The following ACTA1 variants were observed in gnomAD, a reference collection of about 807,000 sequenced individuals.
ACTA1 encodes the protein actin alpha 1, skeletal muscle, also known as actin, alpha skeletal muscle.
ACTA1 carries 25 observed loss-of-function variants against 35.8 expected under a neutral mutation model. The observed-to-expected ratio is 0.70, with a 90% CI of 0.51 to 0.97. The LOEUF (loss-of-function observed/expected upper bound fraction) is 0.97. ACTA1 is among the 50% of genes least tolerant of loss of function. The pLI is 0.00. For synonymous variants in ACTA1, 219 were observed against 217.1 expected (o/e 1.01, Z -0.08); for missense variants, 174 against 533.0 (o/e 0.33, Z 6.63).
chr1:229,431,419 C>A lies in ACTA1; in HGVS notation c.*80G>T. On this transcript the variant is annotated 3_prime_UTR_variant, in exon 7 of 7. Transcript: ENST00000366684. This position sits in a 1 kb window ranked among gnomAD's most constrained non-coding sequence, Gnocchi z 7.1. ...GAAGTTGTTACAAAGAAAGTGACTGCGGGGTGGCTGGAGCTCAGCCGCCCC... is the reference window on the plus strand; with the variant it reads ...GAAGTTGTTACAAAGAAAGTGACTGAGGGGTGGCTGGAGCTCAGCCGCCCC... 1.3e-6 allele frequency: 2 copies of A among 1,579,146 alleles called. No individual in the cohort carries two copies. The highest frequency in any genetic ancestry group is 1.7e-6 in the Non-Finnish European group (2 of 1,149,962).
In ACTA1 at chr1:229,432,824, G is replaced by A; in HGVS notation, c.186C>T (p.Ser62=). The part of the protein sequence containing the change: ...KDSYVGDEAQ[S]KRGILTLKYP... Reference sequence around the variant, plus strand: ...ACTTCAGGGTCAGGATACCTCTCTTGCTCTGAGCCTCGTCGCCCACGTAGG... The same window carrying A: ...ACTTCAGGGTCAGGATACCTCTCTTACTCTGAGCCTCGTCGCCCACGTAGG... The change falls in exon 3 of 7, where the codon AGC becomes AGT. Residue 62 remains serine (S), a synonymous_variant. Transcript: ENST00000366684. 1 of 1,614,186 alleles carries A rather than the reference G, an allele frequency of 6.2e-7. No homozygotes were observed.
intron 4 of ACTA1, 39 bp from the exon 5 acceptor site, chr1:229,432,224 G>A: frequency 6.2e-7 from 1 of 1,612,716 alleles, no homozygotes; most frequent in Non-Finnish European, 8.5e-7. Flanking sequence ...CCTCACTCAG[G>A]GGCCGCCGCC....
At position 229,433,120 on chromosome 1, in the gene ACTA1, T is replaced by C; in HGVS notation, c.-5A>G. On this transcript the variant is annotated 5_prime_UTR_variant, in exon 2 of 7. Coordinates refer to ENST00000366684, the MANE Select transcript of ACTA1 (RefSeq NM_001100.4). ...GGTCTCGTCTTCGTCGCACATTGTGTCTAGTTTCTGCAAGGACAGGGAGAC... is the reference window on the plus strand; with the variant it reads ...GGTCTCGTCTTCGTCGCACATTGTGCCTAGTTTCTGCAAGGACAGGGAGAC... 4 of 1,613,998 alleles carry C rather than the reference T, an allele frequency of 2.5e-6. No individual in the cohort carries two copies. Among genetic ancestry groups the C allele is most frequent in the Non-Finnish European group, 3.4e-6 (4 of 1,179,970 alleles).
In ACTA1 at chr1:229,432,127, G is replaced by A. The variant is rs1571893092; in HGVS notation, c.675C>T (p.Phe225=). Residue 225 remains phenylalanine (F), a synonymous_variant, in exon 5 of 7, where the codon TTC becomes TTT. Coordinates refer to ENST00000366684, the MANE Select transcript of ACTA1 (RefSeq NM_001100.4). The part of the protein sequence containing the change: ...KEKLCYVALD[F]ENEMATAASS... Reference sequence around the variant, plus strand: ...AGGCGGCCGTCGCCATCTCGTTCTCGAAGTCCAGGGCCACGTAGCACAGCT... The same window carrying A: ...AGGCGGCCGTCGCCATCTCGTTCTCAAAGTCCAGGGCCACGTAGCACAGCT... 1.2e-6 allele frequency: 2 copies of A among 1,613,456 alleles called. No individual in the cohort carries two copies. The highest frequency in any genetic ancestry group is 1.7e-6 in the Non-Finnish European group (2 of 1,179,884).
At position 229,432,791 on chromosome 1, in the gene ACTA1, G is replaced by C; in HGVS notation, c.219C>G (p.Ile73Met). Residue 73 changes from isoleucine (I) to methionine (M), a missense_variant, in exon 3 of 7, where the codon ATC (isoleucine) becomes ATG (methionine). Physicochemically the swap from Ile to Met is conservative, Grantham distance 10. Coordinates refer to ENST00000366684, the MANE Select transcript of ACTA1 (RefSeq NM_001100.4). ...KRGILTLKYP[I>M]EHGIITNWDD... is the part of the protein sequence containing the mutation. ...CCCAGTTGGTGATGATGCCGTGCTC[G>C]ATAGGGTACTTCAGGGTCAGGATAC... is the stretch of plus-strand genomic sequence containing the variant. 6.2e-7 allele frequency: 1 copy of C among 1,614,196 alleles called. No homozygotes were observed. The highest frequency in any genetic ancestry group is 8.5e-7 in the Non-Finnish European group (1 of 1,180,032).
Position 229,431,423 on chromosome 1 carries a change from G to T in ACTA1, c.*76C>A. On this transcript the variant is annotated 3_prime_UTR_variant, in exon 7 of 7. Transcript: ENST00000366684. The surrounding 1 kb of genome is among the most constrained non-coding windows in gnomAD (Gnocchi z 7.1). Reference sequence around the variant, plus strand: ...TTGTTACAAAGAAAGTGACTGCGGGGTGGCTGGAGCTCAGCCGCCCCCCCA... The same window carrying T: ...TTGTTACAAAGAAAGTGACTGCGGGTTGGCTGGAGCTCAGCCGCCCCCCCA... 1.3e-6 allele frequency: 2 copies of T among 1,594,798 alleles called. No homozygotes were observed. The highest frequency in any genetic ancestry group is 2.2e-5 in the South Asian group (2 of 90,660).
Position 229,431,443 on chromosome 1 carries a change from C to T in ACTA1, c.*56G>A, listed in dbSNP as rs1169872647. 2.5e-6 allele frequency: 4 copies of T among 1,610,984 alleles called. No homozygotes were observed. Among genetic ancestry groups the T allele is most frequent in the Non-Finnish European group, 1.7e-6 (2 of 1,178,994 alleles). ...GCGGGGTGGCTGGAGCTCAGCCGCC[C>T]CCCCATTGAGAAGATTCGTCGTCCT... On this transcript the variant is annotated 3_prime_UTR_variant, in exon 7 of 7. Coordinates refer to ENST00000366684, the MANE Select transcript of ACTA1 (RefSeq NM_001100.4). The surrounding 1 kb of genome is among the most constrained non-coding windows in gnomAD (Gnocchi z 7.1).
chr1:229,432,231 CGCCG>C, intron 4 of ACTA1, 35 bp downstream of exon 4: 1 of 1,612,728 alleles, frequency 6.2e-7, no homozygotes, highest in Non-Finnish European at 8.5e-7. Flanking sequence ...CAGGGGCCGC[CGCCG>C]GCCCTCCCGC....
At position 229,431,397 on chromosome 1, in the gene ACTA1, G is replaced by T. The variant is rs909761298; in HGVS notation, c.*102C>A. On this transcript the variant is annotated 3_prime_UTR_variant, in exon 7 of 7. Coordinates refer to ENST00000366684, the MANE Select transcript of ACTA1 (RefSeq NM_001100.4). The surrounding 1 kb of genome is among the most constrained non-coding windows in gnomAD (Gnocchi z 7.1). ...TCAGTTTACGATGGCAGCAACGGAA[G>T]TTGTTACAAAGAAAGTGACTGCGGG... 4.7e-6 allele frequency: 7 copies of T among 1,490,682 alleles called. No homozygotes were observed. Among genetic ancestry groups the T allele is most frequent in the Non-Finnish European group, 5.6e-6 (6 of 1,069,794 alleles). The allele number at this position is 1,490,682 out of a possible 1,614,324, so 92.3% of individuals were successfully genotyped here.
rs1183138836 is a variant in ACTA1, at chr1:229,431,853, C to T, written c.858G>A (p.Lys286=). The T allele has an allele frequency of 9.9e-6, 16 of 1,613,978 alleles. No individual in the cohort carries two copies. The highest frequency in any genetic ancestry group is 1.3e-5 in the African/African-American group (1 of 74,898). The part of the protein sequence containing the change: ...IHETTYNSIM[K]CDIDIRKDLY... ...GGTCCTTCCTGATGTCGATGTCACA[C>T]TTCATGATGCTGTTGTAGGTGGTCT... The change falls in exon 6 of 7, where the codon AAG becomes AAA. Residue 286 remains lysine, a synonymous_variant. Transcript: ENST00000366684. This position sits in a 1 kb window ranked among gnomAD's most constrained non-coding sequence, Gnocchi z 7.1.
rs868200539 is a variant in ACTA1 at position 229,431,909 on chromosome 1, A to G, written c.809-7T>C. The G allele has an allele frequency of 6.2e-7, 1 of 1,609,976 alleles. No homozygotes were observed. Among genetic ancestry groups the G allele is most frequent in the Non-Finnish European group, 8.5e-7 (1 of 1,177,784 alleles). ...ATGCCCGCCGACTCCATACCTGGGG[A>G]CCGCGGCGGGGAGCGTGAGCAGAAG... On this transcript the variant is annotated splice_polypyrimidine_tract_variant and splice_region_variant and intron_variant, in intron 5 of 6. Coordinates refer to ENST00000366684, the MANE Select transcript of ACTA1 (RefSeq NM_001100.4). The surrounding 1 kb of genome is among the most constrained non-coding windows in gnomAD (Gnocchi z 7.1).
In ACTA1 at chr1:229,431,631, C is replaced by A. The variant is rs766552570; in HGVS notation, c.1002G>T (p.Pro334=). Residue 334 remains proline, a synonymous_variant, in exon 7 of 7, where the codon CCG becomes CCT. Transcript: ENST00000366684. This position sits in a 1 kb window ranked among gnomAD's most constrained non-coding sequence, Gnocchi z 7.1. The part of the protein sequence containing the change: ...PSTMKIKIIA[P]PERKYSVWIG... The stretch of plus-strand genomic sequence containing the variant: ...TCCACACCGAGTATTTGCGCTCCGG[C>A]GGGGCGATGATCTGCAAGACAGCGC... 6.2e-7 allele frequency: 1 copy of A among 1,614,100 alleles called. No homozygotes were observed. Among genetic ancestry groups the A allele is most frequent in the East Asian group, 2.2e-5 (1 of 44,864 alleles).
At position 229,432,522 on chromosome 1, in the gene ACTA1, G is replaced by C. The variant is rs757583419; in HGVS notation, c.454+34C>G. The C allele has an allele frequency of 2.6e-5, 33 of 1,290,840 alleles. No individual in the cohort carries two copies. In the East Asian group the frequency reaches 3.5e-4, roughly 14 times the overall value. 80.0% of individuals were successfully genotyped at this position (1,290,840 alleles called of 1,614,324 possible). On this transcript the variant is annotated intron_variant, in intron 3 of 6. Transcript: ENST00000366684. The stretch of plus-strand genomic sequence containing the variant: ...GGCGGGGGCGGGGGCGGGGGCGGGG[G>C]CGGGAGAGGGGACTGGGGGCAGCGG...
Position 229,431,670 on chromosome 1 carries a change from A to G in ACTA1, c.991-28T>C. 2 of 1,613,378 alleles carry G rather than the reference A, an allele frequency of 1.2e-6. No homozygotes were observed. Among genetic ancestry groups the G allele is most frequent in the Non-Finnish European group, 1.7e-6 (2 of 1,179,834 alleles). On this transcript the variant is annotated intron_variant, in intron 6 of 6. Coordinates refer to ENST00000366684, the MANE Select transcript of ACTA1 (RefSeq NM_001100.4). This position sits in a 1 kb window ranked among gnomAD's most constrained non-coding sequence, Gnocchi z 7.1. ...GCAAGACAGCGCGTGAGGTGGGGAG[A>G]CCTCACCCTGGAGCCCACCCCGCCG... is the stretch of plus-strand genomic sequence containing the variant.
rs1309683981 is a variant in ACTA1 at position 229,431,953 on chromosome 1, G to A, written c.808+41C>T. The A allele has an allele frequency of 3.7e-6, 6 of 1,606,632 alleles. No individual in the cohort carries two copies. Among genetic ancestry groups the A allele is most frequent in the Non-Finnish European group, 5.1e-6 (6 of 1,176,600 alleles). On this transcript the variant is annotated intron_variant, in intron 5 of 6. Coordinates refer to ENST00000366684, the MANE Select transcript of ACTA1 (RefSeq NM_001100.4). This position sits in a 1 kb window ranked among gnomAD's most constrained non-coding sequence, Gnocchi z 7.1. ...GCAGAAGCTCGGGGCGCCGGGGGCC[G>A]GCGGGGCCTGGGGGCCGGGGCGAGG...
chr1:229,431,954 GCGGGGCCTGGGGGC>G lies in ACTA1; in HGVS notation c.808+26_808+39del. On this transcript the variant is annotated intron_variant, in intron 5 of 6. Transcript: ENST00000366684. The surrounding 1 kb of genome is among the most constrained non-coding windows in gnomAD (Gnocchi z 7.1). ...CAGAAGCTCGGGGCGCCGGGGGCCG[GCGGGGCCTGGGGGC>G]CGGGGCGAGGGCGAGCGGGGCTCAC... The G allele has an allele frequency of 2.5e-6, 4 of 1,606,772 alleles. No homozygotes were observed. Among genetic ancestry groups the G allele is most frequent in the Non-Finnish European group, 2.5e-6 (3 of 1,176,648 alleles).
chr1:229,433,522 G>T (rs1659998941), intron 1 of ACTA1, among the ~76,000 whole-genome samples: 1 of 152,230 alleles, frequency 6.6e-6, no homozygotes, highest in Non-Finnish European at 1.5e-5. Context: ...CCTCAGCACT[G>T]CCTGCTTGCT....
Position 229,432,826 on chromosome 1 carries a change from T to C in ACTA1, c.184A>G (p.Ser62Gly), listed in dbSNP as rs1659979427. The C allele has an allele frequency of 6.2e-7, 1 of 1,614,058 alleles. No homozygotes were observed. The highest frequency in any genetic ancestry group is 8.5e-7 in the Non-Finnish European group (1 of 1,180,022). ...TTCAGGGTCAGGATACCTCTCTTGC[T>C]CTGAGCCTCGTCGCCCACGTAGGAA... is the stretch of plus-strand genomic sequence containing the variant. Reference protein sequence around the residue: ...KDSYVGDEAQSKRGILTLKYP... With the variant: ...KDSYVGDEAQGKRGILTLKYP... The change falls in exon 3 of 7, where the codon AGC becomes GGC. Residue 62 changes from serine (S) to glycine (G), a missense_variant. By Grantham distance (56) the Ser-to-Gly change is moderately conservative. Transcript: ENST00000366684.
rs368965736 is a variant in ACTA1, at chr1:229,431,946, G to A, written c.809-44C>T. The stretch of plus-strand genomic sequence containing the variant: ...AGCGTGAGCAGAAGCTCGGGGCGCC[G>A]GGGGCCGGCGGGGCCTGGGGGCCGG... On this transcript the variant is annotated intron_variant, in intron 5 of 6. Transcript: ENST00000366684. This position sits in a 1 kb window ranked among gnomAD's most constrained non-coding sequence, Gnocchi z 7.1. 6.2e-7 allele frequency: 1 copy of A among 1,605,976 alleles called. No individual in the cohort carries two copies. Among genetic ancestry groups the A allele is most frequent in the Admixed American group, 1.7e-5 (1 of 59,618 alleles).
Sources: allele counts gnomAD v4.1 joint callset (sites outside exome capture counted in the v4.1 genomes callset), GRCh38; gene constraint gnomAD v4.1.1; non-coding constraint Gnocchi (gnomAD v3.1); transcripts MANE v1.5; gene names NCBI Gene and HGNC (gene_info 2026-07-23, HGNC 2026-07-21).